SCRT1: variants seen among roughly 807,000 people sequenced by gnomAD.
The protein encoded by SCRT1 is scratch family transcriptional repressor 1.
In SCRT1, 1 loss-of-function variant was observed where a neutral mutation model predicts 3.4. The ratio of observed to expected loss-of-function variants is 0.29; its 90% CI spans 0.10 to 1.39. The LOEUF is 1.39. SCRT1 is among the 40% of genes most tolerant of loss of function. SCRT1 has a pLI of 0.42. For synonymous variants in SCRT1, 238 were observed against 247.0 expected (o/e 0.96, Z 0.34); for missense variants, 380 against 526.3 (o/e 0.72, Z 2.72).
rs1158468207 is a variant in SCRT1, at chr8:144,335,855, C to T, written c.115+200G>A. On this transcript the variant is annotated intron_variant, in intron 1 of 1. Transcript: ENST00000569446. The surrounding 1 kb of genome is among the most constrained non-coding windows in gnomAD (Gnocchi z 7.7). The stretch of plus-strand genomic sequence containing the variant: ...CTCTTCCCCACCCTCTGTCCAACGT[C>T]GACACTCTCCCTGCCCAGCCTTGGC... Among the ~76,000 whole-genome samples, 2 of 152,208 alleles carry T rather than the reference C, an allele frequency of 1.3e-5. No homozygotes were observed. The highest frequency in any genetic ancestry group is 6.5e-5 in the Admixed American group (1 of 15,284).
chr8:144,333,964 G>A lies in SCRT1; in HGVS notation c.268C>T (p.Pro90Ser). 7.4e-7 allele frequency: 1 copy of A among 1,360,462 alleles called. No homozygotes were observed. The allele number at this position is 1,360,462 out of a possible 1,614,324, so 84.3% of individuals were successfully genotyped here. Reference sequence around the variant, plus strand: ...GCAGCGGTGGCCAGCTCCGGGCGCGGGGTGGGCGGCGGCGCAGACCCTGCA... The same window carrying A: ...GCAGCGGTGGCCAGCTCCGGGCGCGAGGTGGGCGGCGGCGCAGACCCTGCA... ...AAAGSAPPPT[P>S]RPELATAAGG... The change falls in exon 2 of 2, where the codon CCG (proline) becomes TCG (serine). Residue 90 changes from proline to serine, a missense_variant. Pro to Ser is a moderately conservative substitution (Grantham distance 74, BLOSUM62 -1). Transcript: ENST00000569446.
rs1488572728 is a variant in SCRT1 at position 144,336,413 on chromosome 8, CCTTCTCTCCT to C, written c.-254_-245del. Reference sequence around the variant, plus strand: ...TCCTTCCTTCCTTCAATCCTTCCTTCCTTCTCTCCTCTTCTCTCCTCTCCTCTTCCTTCCT... The same window carrying C: ...TCCTTCCTTCCTTCAATCCTTCCTTCCTTCTCTCCTCTCCTCTTCCTTCCT... On this transcript the variant is annotated 5_prime_UTR_variant, in exon 1 of 2. Coordinates refer to ENST00000569446, the MANE Select transcript of SCRT1 (RefSeq NM_031309.6). The surrounding 1 kb of genome is among the most constrained non-coding windows in gnomAD (Gnocchi z 6.8). 7.0e-6 allele frequency: 3 copies of C among 427,234 alleles called. No individual in the cohort carries two copies. The highest frequency in any genetic ancestry group is 4.6e-5 in the East Asian group (1 of 21,832). The allele number at this position is 427,234 out of a possible 1,614,324, so 26.5% of individuals were successfully genotyped here.
chr8:144,332,409 G>A lies in SCRT1; in HGVS notation c.*776C>T, dbSNP rs1374795936. ...TGCCTGGGGTACGGGGGTGGGGGGT[G>A]GGGGCCCGGGGCAGGGCGGAAGCGG... On this transcript the variant is annotated 3_prime_UTR_variant, in exon 2 of 2. Transcript: ENST00000569446. The A allele has an allele frequency of 2.2e-5, 3 of 139,064 alleles. No individual in the cohort carries two copies. Among genetic ancestry groups the A allele is most frequent in the Admixed American group, 2.1e-4 (3 of 14,204 alleles). The allele number at this position is 139,064 out of a possible 1,614,324, so 8.6% of individuals were successfully genotyped here.
chr8:144,330,827 G>A lies in SCRT1; in HGVS notation c.*2358C>T, dbSNP rs890379783. 32 of 151,866 alleles carry A rather than the reference G, an allele frequency of 2.1e-4. No homozygotes were observed. Among genetic ancestry groups the A allele is most frequent in the African/African-American group, 5.8e-4 (24 of 41,274 alleles). 9.4% of individuals were successfully genotyped at this position (151,866 alleles called of 1,614,324 possible). Reference sequence around the variant, plus strand: ...CCCCACCCGAGGGCCCCCGCACCTCGGGCCCTACTTGTAGAATCAGTACAA... The same window carrying A: ...CCCCACCCGAGGGCCCCCGCACCTCAGGCCCTACTTGTAGAATCAGTACAA... On this transcript the variant is annotated 3_prime_UTR_variant, in exon 2 of 2. Transcript: ENST00000569446.
rs1554849787 is a variant in SCRT1, at chr8:144,333,135, G to A, written c.*50C>T. ...CCCGGACGCCAGCGAAGACTTCCCT[G>A]GGGGGCCGTATTGCTGAGAGCCGAC... On this transcript the variant is annotated 3_prime_UTR_variant, in exon 2 of 2. Transcript: ENST00000569446. 2 of 1,393,196 alleles carry A rather than the reference G, an allele frequency of 1.4e-6. No individual in the cohort carries two copies. Among genetic ancestry groups the A allele is most frequent in the South Asian group, 1.5e-5 (1 of 67,176 alleles). The allele number at this position is 1,393,196 out of a possible 1,614,324, so 86.3% of individuals were successfully genotyped here.
At position 144,336,230 on chromosome 8, in the gene SCRT1, G is replaced by C; in HGVS notation, c.-61C>G. The C allele has an allele frequency of 7.9e-7, 1 of 1,272,336 alleles. No homozygotes were observed. Among genetic ancestry groups the C allele is most frequent in the Non-Finnish European group, 1.1e-6 (1 of 920,576 alleles). 78.8% of individuals were successfully genotyped at this position (1,272,336 alleles called of 1,614,324 possible). On this transcript the variant is annotated 5_prime_UTR_variant, in exon 1 of 2. Coordinates refer to ENST00000569446, the MANE Select transcript of SCRT1 (RefSeq NM_031309.6). This position sits in a 1 kb window ranked among gnomAD's most constrained non-coding sequence, Gnocchi z 6.8. ...AGCCGGGGCTTGGGGGGGCTGCGGC[G>C]GCAGGGCCCCGTCACCATCCGAGGA...
chr8:144,331,919 G>T lies in SCRT1; in HGVS notation c.*1266C>A, dbSNP rs1194239905. On this transcript the variant is annotated 3_prime_UTR_variant, in exon 2 of 2. Transcript: ENST00000569446. ...GCCCCGGGTAGGATCGGGAGGAGGGGTGGGGCTGCATGCAGTGACGTCACA... is the reference window on the plus strand; with the variant it reads ...GCCCCGGGTAGGATCGGGAGGAGGGTTGGGGCTGCATGCAGTGACGTCACA... 6.6e-6 allele frequency: 1 copy of T among 152,474 alleles called. No homozygotes were observed. The highest frequency in any genetic ancestry group is 2.4e-5 in the African/African-American group (1 of 41,462). 9.4% of individuals were successfully genotyped at this position (152,474 alleles called of 1,614,324 possible). A position where few individuals can be genotyped will look rare whatever the true frequency, so the allele number is the denominator to read the frequency against.
In SCRT1 at chr8:144,332,413, G is replaced by GC. The variant is rs1817787677; in HGVS notation, c.*771dup. 7.3e-6 allele frequency: 1 copy of GC among 137,838 alleles called. No individual in the cohort carries two copies. Among genetic ancestry groups the GC allele is most frequent in the Non-Finnish European group, 1.6e-5 (1 of 63,226 alleles). The allele number at this position is 137,838 out of a possible 1,614,324, so 8.5% of individuals were successfully genotyped here. A position where few individuals can be genotyped will look rare whatever the true frequency, so the allele number is the denominator to read the frequency against. On this transcript the variant is annotated 3_prime_UTR_variant, in exon 2 of 2. Coordinates refer to ENST00000569446, the MANE Select transcript of SCRT1 (RefSeq NM_031309.6). The stretch of plus-strand genomic sequence containing the variant: ...TGGGGTACGGGGGTGGGGGGTGGGG[G>GC]CCCGGGGCAGGGCGGAAGCGGGGTC...
chr8:144,332,726 C>T lies in SCRT1; in HGVS notation c.*459G>A, dbSNP rs138270478. On this transcript the variant is annotated 3_prime_UTR_variant, in exon 2 of 2. Coordinates refer to ENST00000569446, the MANE Select transcript of SCRT1 (RefSeq NM_031309.6). The stretch of plus-strand genomic sequence containing the variant: ...CCCGCTCCTGCTCCGCCCCGGCCTG[C>T]TGCCGGGGAGGGGCCGGCTCCCTGG... The T allele has an allele frequency of 0.054, 8,331 of 154,458 alleles. 300 individuals are homozygous for T. Among genetic ancestry groups the T allele is most frequent in the Non-Finnish European group, 0.081 (5,618 of 69,388 alleles). 9.6% of individuals were successfully genotyped at this position (154,458 alleles called of 1,614,324 possible).
intron 1 of SCRT1, 151 bp from the exon 2 acceptor site, chr8:144,334,267 C>G (rs1817852261): frequency 8.6e-6 from 5 of 582,450 alleles, no homozygotes; most frequent in East Asian, 3.3e-5. Context: ...GAGAGGAGGC[C>G]GAGGGACCGC....
At position 144,335,293 on chromosome 8, in the gene SCRT1, C is replaced by T. The variant is rs781944412; in HGVS notation, c.115+762G>A. Among the ~76,000 whole-genome samples, 9 of 152,314 alleles carry T rather than the reference C, an allele frequency of 5.9e-5. No individual in the cohort carries two copies. The highest frequency in any genetic ancestry group is 1.9e-4 in the East Asian group (1 of 5,188). ...AAGCACACACACACACAGGGTCACA[C>T]ACAAGCGCACACGGTCACATGGCCA... is the stretch of plus-strand genomic sequence containing the variant. On this transcript the variant is annotated intron_variant, in intron 1 of 1. Transcript: ENST00000569446. The surrounding 1 kb of genome is among the most constrained non-coding windows in gnomAD (Gnocchi z 7.7).
rs1316807426 is a variant in SCRT1 at position 144,335,316 on chromosome 8, CCACA to C, written c.115+735_115+738del. Among the ~76,000 whole-genome samples the C allele has an allele frequency of 4.5e-4, 68 of 152,122 alleles. 1 individual carries two copies. The highest frequency in any genetic ancestry group is 1.0e-4 in the Non-Finnish European group (7 of 68,016). Reference sequence around the variant, plus strand: ...CACACAAGCGCACACGGTCACATGGCCACACACAGTCACATGGACCCACACAGGC... The same window carrying C: ...CACACAAGCGCACACGGTCACATGGCCACAGTCACATGGACCCACACAGGC... On this transcript the variant is annotated intron_variant, in intron 1 of 1. Coordinates refer to ENST00000569446, the MANE Select transcript of SCRT1 (RefSeq NM_031309.6). The surrounding 1 kb of genome is among the most constrained non-coding windows in gnomAD (Gnocchi z 7.7).
chr8:144,333,815 T>G lies in SCRT1; in HGVS notation c.417A>C (p.Thr139=). 1 of 1,222,232 alleles carries G rather than the reference T, an allele frequency of 8.2e-7. No individual in the cohort carries two copies. Among genetic ancestry groups the G allele is most frequent in the Non-Finnish European group, 1.0e-6 (1 of 982,362 alleles). The allele number at this position is 1,222,232 out of a possible 1,614,324, so 75.7% of individuals were successfully genotyped here. The change falls in exon 2 of 2, where the codon ACA becomes ACC. Residue 139 remains threonine, a synonymous_variant. Transcript: ENST00000569446. The part of the protein sequence containing the change: ...SNAGAAAAPS[T]ASAAAPDGDA... ...CGCCGTCGGGGGCCGCCGCCGAGGC[T>G]GTGGAGGGAGCGGCGGCAGCGCCGG...
chr8:144,335,968 G>T lies in SCRT1; in HGVS notation c.115+87C>A. 3 of 889,542 alleles carry T rather than the reference G, an allele frequency of 3.4e-6. No homozygotes were observed. The highest frequency in any genetic ancestry group is 5.0e-6 in the Non-Finnish European group (3 of 601,268). 55.1% of individuals were successfully genotyped at this position (889,542 alleles called of 1,614,324 possible). ...GGTTCCCTTCAGTCTGTTTCCCCGGGCCCTGCCCTCCGCCCCCACACTCTG... is the reference window on the plus strand; with the variant it reads ...GGTTCCCTTCAGTCTGTTTCCCCGGTCCCTGCCCTCCGCCCCCACACTCTG... On this transcript the variant is annotated intron_variant, in intron 1 of 1. Transcript: ENST00000569446. The surrounding 1 kb of genome is among the most constrained non-coding windows in gnomAD (Gnocchi z 7.7).
chr8:144,331,282 T>C lies in SCRT1; in HGVS notation c.*1903A>G, dbSNP rs1817742620. ...CCATGGCTCTGCCCCTGGCTGGACA[T>C]GGCAGATGTGTGTTGGCCAGAGGAT... On this transcript the variant is annotated 3_prime_UTR_variant, in exon 2 of 2. Transcript: ENST00000569446. 1 of 152,218 alleles carries C rather than the reference T, an allele frequency of 6.6e-6. No homozygotes were observed. The highest frequency in any genetic ancestry group is 2.1e-4 in the South Asian group (1 of 4,832). The allele number at this position is 152,218 out of a possible 1,614,324, so 9.4% of individuals were successfully genotyped here. A position where few individuals can be genotyped will look rare whatever the true frequency, so the allele number is the denominator to read the frequency against.
rs1817876504 is a variant in SCRT1, at chr8:144,335,542, A to AGAC, written c.115+510_115+512dup. On this transcript the variant is annotated intron_variant, in intron 1 of 1. Coordinates refer to ENST00000569446, the MANE Select transcript of SCRT1 (RefSeq NM_031309.6). The surrounding 1 kb of genome is among the most constrained non-coding windows in gnomAD (Gnocchi z 7.7). Reference sequence around the variant, plus strand: ...CTCCCTGACCCAGGCTTCAGGGAAGAGACTGCTGCTGCCTCTGCTGGCCCT... The same window carrying AGAC: ...CTCCCTGACCCAGGCTTCAGGGAAGAGACGACTGCTGCTGCCTCTGCTGGCCCT... Among the ~76,000 whole-genome samples, 7 of 152,250 alleles carry AGAC rather than the reference A, an allele frequency of 4.6e-5. No individual in the cohort carries two copies. The South Asian group carries it at 1.5e-3, about 32-fold the overall frequency.
intron 1 of SCRT1, among the ~76,000 whole-genome samples, chr8:144,334,975 C>T (rs1243927772): frequency 2.0e-5 from 3 of 152,200 alleles, no homozygotes; most frequent in African/African-American, 4.8e-5. Context: ...AGGAGGGCAG[C>T]ATCACTTATA....
chr8:144,333,314 G>A lies in SCRT1; in HGVS notation c.918C>T (p.Cys306=), dbSNP rs781971312. The A allele has an allele frequency of 9.3e-6, 15 of 1,612,900 alleles. No individual in the cohort carries two copies. In the East Asian group the frequency reaches 3.1e-4, roughly 34 times the overall value. ...QTHSAFKHFQ[C]KRCKKSFALK... ...GCGCGAAGCTCTTCTTGCAGCGCTT[G>A]CACTGGAAGTGCTTGAAGGCCGAAT... is the stretch of plus-strand genomic sequence containing the variant. Residue 306 remains cysteine, a synonymous_variant, in exon 2 of 2, where the codon TGC becomes TGT. Coordinates refer to ENST00000569446, the MANE Select transcript of SCRT1 (RefSeq NM_031309.6).
Position 144,333,512 on chromosome 8 carries a change from G to T in SCRT1, c.720C>A (p.His240Gln). ...VYVSMPAMAM[H>Q]LLTHDLRHKC... ...TGTGGCGCAGGTCGTGCGTGAGCAGGTGCATGGCCATGGCCGGCATGGACA... is the reference window on the plus strand; with the variant it reads ...TGTGGCGCAGGTCGTGCGTGAGCAGTTGCATGGCCATGGCCGGCATGGACA... The change falls in exon 2 of 2, where the codon CAC becomes CAA. Residue 240 changes from histidine to glutamine, a missense_variant. This residue lies in a region of SCRT1 where 56 missense variants were observed against 169.3 expected (regional missense o/e 0.33). Transcript: ENST00000569446. The T allele has an allele frequency of 6.2e-7, 1 of 1,606,694 alleles. No homozygotes were observed.
Sources: gnomAD v4.1 joint callset for allele counts (sites outside exome capture counted in the v4.1 genomes callset) on GRCh38, gnomAD v4.1.1 for gene constraint, gnomAD v4.1.1 regional missense constraint, Gnocchi (gnomAD v3.1) non-coding constraint, MANE v1.5 for transcripts, NCBI Gene and HGNC (gene_info 2026-07-23, HGNC 2026-07-21) for gene names.